The following LIAS variants were observed in gnomAD, a reference collection of about 807,000 sequenced individuals.
LIAS encodes the protein lipoic acid synthetase.
Under a neutral mutation model 49.4 loss-of-function variants are expected in LIAS, and 36 were observed. The ratio of observed to expected loss-of-function variants is 0.73; its 90% CI spans 0.56 to 0.96. The LOEUF is 0.96. LIAS is among the 40% of genes least tolerant of loss of function. The pLI, the probability that LIAS is intolerant of heterozygous loss-of-function variation, is 0.00. For missense variants in LIAS, 399 were observed against 456.3 expected (o/e 0.87, Z 1.14); for synonymous variants, 145 against 155.8 (o/e 0.93, Z 0.52).
chr4:39,472,480 C>T (rs928996362), intron 9 of LIAS, among the ~76,000 whole-genome samples: 4 of 152,146 alleles, frequency 2.6e-5, no homozygotes, highest in African/African-American at 9.7e-5. Flanking sequence ...TTTGCTGCCT[C>T]CCCCATTCTC....
At position 39,470,022 on chromosome 4, in the gene LIAS, G is replaced by A. The variant is rs1234800943; in HGVS notation, c.741G>A (p.Lys247=). The change falls in exon 8 of 11, where the codon AAG becomes AAA. Residue 247 remains lysine, a synonymous_variant. Coordinates refer to ENST00000640888, the MANE Select transcript of LIAS (RefSeq NM_006859.4). Reference sequence around the variant, plus strand: ...CAACAGTCCTGCTGTTTTCCAGTAAGGTTCGTGATCCTCGGGCCAATTTTG... The same window carrying A: ...CAACAGTCCTGCTGTTTTCCAGTAAAGTTCGTGATCCTCGGGCCAATTTTG... The part of the protein sequence containing the change: ...NVETVPELQS[K]VRDPRANFDQ... 1 of 1,606,770 alleles carries A rather than the reference G, an allele frequency of 6.2e-7. No individual in the cohort carries two copies. Among genetic ancestry groups the A allele is most frequent in the Non-Finnish European group, 8.5e-7 (1 of 1,174,844 alleles).
Position 39,478,662 on chromosome 4 carries a change from A to C in LIAS, c.*1547A>C, listed in dbSNP as rs1187669991. The C allele has an allele frequency of 6.6e-6, 1 of 152,226 alleles. No homozygotes were observed. Among genetic ancestry groups the C allele is most frequent in the Non-Finnish European group, 1.5e-5 (1 of 68,048 alleles). The allele number at this position is 152,226 out of a possible 1,614,324, so 9.4% of individuals were successfully genotyped here. A position where few individuals can be genotyped will look rare whatever the true frequency, so the allele number is the denominator to read the frequency against. On this transcript the variant is annotated 3_prime_UTR_variant, in exon 11 of 11. Coordinates refer to ENST00000640888, the MANE Select transcript of LIAS (RefSeq NM_006859.4). ...TAGAAATATTAACCCTTATTTGTAT[A>C]GTAGCTTGCTAAATCCACATGCCCT...
chr4:39,471,231 T>A lies in LIAS; in HGVS notation c.884-5T>A, dbSNP rs374449188. On this transcript the variant is annotated splice_polypyrimidine_tract_variant and splice_region_variant and intron_variant, in intron 8 of 10. Transcript: ENST00000640888. Reference sequence around the variant, plus strand: ...CTAATGTAATTTGTGCTTTTCTTCCTACAGCACTTCGTGAGGCAGATGTAG... The same window carrying A: ...CTAATGTAATTTGTGCTTTTCTTCCAACAGCACTTCGTGAGGCAGATGTAG... 6 of 1,605,982 alleles carry A rather than the reference T, an allele frequency of 3.7e-6. No homozygotes were observed. In the African/African-American group the frequency reaches 8.0e-5, roughly 21 times the overall value.
At chr4:39,469,427 T>A (rs930832536) in intron 7 of LIAS, 1 of 152,230 alleles carries the variant, frequency 6.6e-6, no homozygotes, top group Admixed American at 6.5e-5. Context: ...ATAAGTCATT[T>A]AAGCCATGGT....
At chr4:39,471,517 ATTTTTTTTTTTTTT>A (rs766866733) in intron 9 of LIAS, among the ~76,000 whole-genome samples, 1 of 74,320 alleles carries the variant, frequency 1.3e-5, no homozygotes, top group Admixed American at 2.2e-4. Context: ...CATATATATA[ATTTTTTTTTTTTTT>A]TTTTTTTTTT....
In LIAS at chr4:39,473,134, A is replaced by C; in HGVS notation, c.989A>C (p.Tyr330Ser). The change falls in exon 10 of 11, where the codon TAC (tyrosine) becomes TCC (serine). Residue 330 changes from tyrosine to serine, a missense_variant. Around this residue, in one of 3 missense-constraint regions of LIAS, gnomAD observed 234 missense variants for 292.2 expected, o/e 0.80. Coordinates refer to ENST00000640888, the MANE Select transcript of LIAS (RefSeq NM_006859.4). ...TATATTACTCCTGAAAAATTCAAAT[A>C]CTGGGAAAAAGTAGGAAATGAACTT... The part of the protein sequence containing the change: ...EEYITPEKFK[Y>S]WEKVGNELGF... 3 of 1,610,614 alleles carry C rather than the reference A, an allele frequency of 1.9e-6. No homozygotes were observed. Among genetic ancestry groups the C allele is most frequent in the Non-Finnish European group, 2.5e-6 (3 of 1,176,774 alleles).
chr4:39,460,693 T>G, intron 1 of LIAS, 97 bp from the exon 2 acceptor site: 2 of 948,630 alleles, frequency 2.1e-6, no homozygotes, highest in Non-Finnish European at 3.1e-6. Context: ...CTGAATCACT[T>G]TTTTGGCTTT....
chr4:39,462,846 G>T (rs1744578631), intron 3 of LIAS, among the ~76,000 whole-genome samples: 1 of 152,172 alleles, frequency 6.6e-6, no homozygotes, highest in Non-Finnish European at 1.5e-5. Flanking sequence ...AATTAGCTGG[G>T]CGTGGTGGCG....
intron 1 of LIAS, among the ~76,000 whole-genome samples, chr4:39,460,261 G>A (rs964185341): frequency 7.9e-5 from 12 of 152,170 alleles, no homozygotes; most frequent in African/African-American, 2.9e-4. Context: ...GCCGGGTGCG[G>A]TGGCTTACGC....
intron 8 of LIAS, 58 bp downstream of exon 8, chr4:39,470,222 C>G: frequency 6.8e-7 from 1 of 1,471,534 alleles, no homozygotes; most frequent in Non-Finnish European, 9.3e-7. Context: ...TAGCAGGAAC[C>G]CACTCACTTT....
At chr4:39,463,384 T>G in intron 3 of LIAS, 141 bp from the exon 4 acceptor site, 2 of 1,167,282 alleles carry the variant, frequency 1.7e-6, no homozygotes, top group East Asian at 3.1e-5. Context: ...GCACTTGGTC[T>G]TAACAGCATT....
chr4:39,459,226 A>T (rs1560663740), intron 1 of LIAS, 64 bp downstream of exon 1: 2 of 1,452,466 alleles, frequency 1.4e-6, no homozygotes, highest in African/African-American at 2.8e-5. Flanking sequence ...CAGAGCGCCC[A>T]TGCCCAATAA....
In LIAS at chr4:39,478,057, A is replaced by G. The variant is rs1390485018; in HGVS notation, c.*942A>G. 6.6e-6 allele frequency: 1 copy of G among 152,270 alleles called. No homozygotes were observed. The highest frequency in any genetic ancestry group is 1.5e-5 in the Non-Finnish European group (1 of 68,050). 9.4% of individuals were successfully genotyped at this position (152,270 alleles called of 1,614,324 possible). On this transcript the variant is annotated 3_prime_UTR_variant, in exon 11 of 11. Transcript: ENST00000640888. ...TTACATTTCATTTATGAAAAATAAA[A>G]ACTTCATTTATGTTACTGTGATGAA...
chr4:39,468,961 A>G (rs1744879598), intron 7 of LIAS: 8 of 152,122 alleles, frequency 5.3e-5, no homozygotes, highest in Admixed American at 5.2e-4. Flanking sequence ...TAATAATTTC[A>G]GTAATTAAGA....
intron 9 of LIAS, 120 bp from the exon 10 acceptor site, chr4:39,472,980 C>T: frequency 1.6e-6 from 1 of 615,558 alleles, no homozygotes; most frequent in Non-Finnish European, 2.9e-6. Flanking sequence ...GGACAAAAGC[C>T]TGGGGGTGGG....
At chr4:39,462,673 G>A (rs936348354) in intron 3 of LIAS, among the ~76,000 whole-genome samples, 6 of 152,188 alleles carry the variant, frequency 3.9e-5, no homozygotes, top group South Asian at 2.1e-4. Flanking sequence ...ATATACATTC[G>A]TAAAGTTTTT....
In LIAS at chr4:39,465,270, T is replaced by C. The variant is rs1442298065; in HGVS notation, c.551-15T>C. ...TGATGACATCATCCTGAGCAGTGGA[T>C]TCTTTTGTTTCTAGATATGCCTGAT... On this transcript the variant is annotated splice_polypyrimidine_tract_variant and intron_variant, in intron 5 of 10. Coordinates refer to ENST00000640888, the MANE Select transcript of LIAS (RefSeq NM_006859.4). The C allele has an allele frequency of 6.2e-7, 1 of 1,612,628 alleles. No individual in the cohort carries two copies. Among genetic ancestry groups the C allele is most frequent in the Non-Finnish European group, 8.5e-7 (1 of 1,179,580 alleles).
Position 39,467,790 on chromosome 4 carries a change from A to G in LIAS, c.737+144A>G, listed in dbSNP as rs935875367. ...TTTGTTTTTTAGGCAAACTCAATCT[A>G]TGTCTCTTACATAAAAATCAGAAAA... On this transcript the variant is annotated intron_variant, in intron 7 of 10. Transcript: ENST00000640888. The G allele has an allele frequency of 4.0e-5, 28 of 696,984 alleles. 1 individual carries two copies. Among genetic ancestry groups the G allele is most frequent in the Non-Finnish European group, 5.6e-5 (26 of 461,228 alleles). The allele number at this position is 696,984 out of a possible 1,614,324, so 43.2% of individuals were successfully genotyped here.
intron 7 of LIAS, chr4:39,469,256 T>C (rs1246187505): frequency 3.3e-5 from 5 of 152,258 alleles, no homozygotes; most frequent in Non-Finnish European, 7.3e-5. Context: ...AAGTGATTTC[T>C]ATAATGTCAG....
Sources: allele counts gnomAD v4.1 joint callset (sites outside exome capture counted in the v4.1 genomes callset), GRCh38; gene constraint gnomAD v4.1.1; regional missense constraint gnomAD v4.1.1; transcripts MANE v1.5; gene names NCBI Gene and HGNC (gene_info 2026-07-23, HGNC 2026-07-21).